The following ARB2A variants were observed in gnomAD, a reference collection of about 807,000 sequenced individuals.
ARB2A encodes cotranscriptional regulator ARB2A.
At chr5:93,645,710 G>A in the ARB2A span, among the ~76,000 whole-genome samples, 1 of 151,858 alleles carries the variant, frequency 6.6e-6, no homozygotes, top group African/African-American at 2.4e-5. Flanking sequence ...AAATTTTTAG[G>A]AACAACTTTC....
the ARB2A span, among the ~76,000 whole-genome samples, chr5:93,793,405 C>T: frequency 6.6e-6 from 1 of 151,756 alleles, no homozygotes; most frequent in Non-Finnish European, 1.5e-5. Flanking sequence ...ACTCCAGATC[C>T]CGTCTTTGTA....
the ARB2A span, among the ~76,000 whole-genome samples, chr5:93,661,524 G>A: frequency 5.3e-5 from 8 of 152,150 alleles, no homozygotes; most frequent in Non-Finnish European, 1.5e-5. Flanking sequence ...ACAAAACTAA[G>A]TATAGCCTAT....
chr5:93,919,741 T>G, the ARB2A span, among the ~76,000 whole-genome samples: 1 of 152,196 alleles, frequency 6.6e-6, no homozygotes, highest in Non-Finnish European at 1.5e-5. Flanking sequence ...ATATAAATAC[T>G]TCTCATCCTT....
the ARB2A span, among the ~76,000 whole-genome samples, chr5:94,013,852 G>C: frequency 6.6e-6 from 1 of 152,148 alleles, no homozygotes; most frequent in African/African-American, 2.4e-5. Context: ...GGGTCACAGA[G>C]ATGTAAGAGG....
the ARB2A span, among the ~76,000 whole-genome samples, chr5:93,705,377 A>AG: frequency 6.6e-6 from 1 of 152,210 alleles, no homozygotes; most frequent in Non-Finnish European, 1.5e-5. Context: ...TTAAATATAG[A>AG]GGGCTAGCAG....
the ARB2A span, among the ~76,000 whole-genome samples, chr5:93,681,572 C>A: frequency 6.6e-6 from 1 of 152,116 alleles, no homozygotes; most frequent in African/African-American, 2.4e-5. Context: ...TGGGCTCTAT[C>A]TTCTCAACAA....
chr5:93,868,496 T>C, the ARB2A span, among the ~76,000 whole-genome samples: 5 of 152,172 alleles, frequency 3.3e-5, no homozygotes, highest in East Asian at 1.9e-4. Context: ...CACCAAAGGA[T>C]AGAAGAGTGA....
At chr5:93,757,681 TCTCCATTAC>T in the ARB2A span, among the ~76,000 whole-genome samples, 1 of 152,042 alleles carries the variant, frequency 6.6e-6, no homozygotes, top group African/African-American at 2.4e-5. Context: ...CTGACAGAAT[TCTCCATTAC>T]CAAGCTACCA....
chr5:93,871,272 C>T, the ARB2A span, among the ~76,000 whole-genome samples: 1 of 152,236 alleles, frequency 6.6e-6, no homozygotes, highest in African/African-American at 2.4e-5. Flanking sequence ...TCAACATTTA[C>T]AAGATTTATG....
the ARB2A span, among the ~76,000 whole-genome samples, chr5:94,087,438 T>A: frequency 9.2e-5 from 14 of 152,232 alleles, no homozygotes; most frequent in African/African-American, 3.1e-4. Context: ...TTTATAAAAG[T>A]AAGAAAGTTA....
the ARB2A span, among the ~76,000 whole-genome samples, chr5:94,108,529 C>T: frequency 1.3e-5 from 2 of 151,852 alleles, no homozygotes; most frequent in Admixed American, 1.3e-4. Flanking sequence ...CCAAATAAAT[C>T]TCCAAAAATT....
At chr5:93,908,200 A>T in the ARB2A span, among the ~76,000 whole-genome samples, 1 of 151,246 alleles carries the variant, frequency 6.6e-6, no homozygotes, top group African/African-American at 2.4e-5. Context: ...ATAAGAAAAT[A>T]GAAAATTAGG....
chr5:94,050,620 T>C, the ARB2A span: 1 of 792,582 alleles, frequency 1.3e-6, no homozygotes. Context: ...CAAAAACCTT[T>C]TTGGAATCAC....
chr5:94,076,132 C>T, the ARB2A span, among the ~76,000 whole-genome samples: 22 of 152,192 alleles, frequency 1.4e-4, no homozygotes, highest in Admixed American at 1.3e-3. Context: ...ATAACATCTC[C>T]GTGGCCAGTC....
At chr5:93,684,037 C>G in the ARB2A span, among the ~76,000 whole-genome samples, 3 of 152,032 alleles carry the variant, frequency 2.0e-5, no homozygotes, top group Admixed American at 6.6e-5. Context: ...TTTACAAAAC[C>G]TCTATTAGAG....
At chr5:93,768,296 A>G in the ARB2A span, among the ~76,000 whole-genome samples, 1 of 151,562 alleles carries the variant, frequency 6.6e-6, no homozygotes, top group African/African-American at 2.4e-5. Flanking sequence ...AATCACCACT[A>G]AAGAACTTAC....
the ARB2A span, among the ~76,000 whole-genome samples, chr5:93,771,854 G>T: frequency 2.0e-5 from 3 of 152,220 alleles, no homozygotes; most frequent in Non-Finnish European, 4.4e-5. Flanking sequence ...TTACACTGTT[G>T]TTGGGACTGT....
the ARB2A span, among the ~76,000 whole-genome samples, chr5:93,827,962 G>A: frequency 2.0e-5 from 3 of 152,086 alleles, no homozygotes; most frequent in East Asian, 1.9e-4. Context: ...CTCTGTTTTG[G>A]TACCAGTACC....
chr5:93,731,893 C>T, the ARB2A span, among the ~76,000 whole-genome samples: 1 of 152,188 alleles, frequency 6.6e-6, no homozygotes, highest in Non-Finnish European at 1.5e-5. Flanking sequence ...CCTTTTCCAA[C>T]CACAGTCTTT....
Sources: allele counts gnomAD v4.1 joint callset (sites outside exome capture counted in the v4.1 genomes callset), GRCh38; gene constraint gnomAD v4.1.1; transcripts MANE v1.5; gene names NCBI Gene and HGNC (gene_info 2026-07-23, HGNC 2026-07-21).